AGBL1: variants seen among roughly 807,000 people sequenced by gnomAD.
AGBL1 encodes cytosolic carboxypeptidase 4.
A neutral mutation model predicts 118.9 loss-of-function variants in AGBL1; 130 were observed. The observed-to-expected ratio is 1.09, with a 90% CI of 0.95 to 1.26. The LOEUF (loss-of-function observed/expected upper bound fraction) is 1.26. Ranked by LOEUF, AGBL1 falls within the 50% of genes most tolerant of loss-of-function variation. The pLI is 0.00. For missense variants in AGBL1, 1,584 were observed against 1,298.1 expected (o/e 1.22, Z -3.38); for synonymous variants, 555 against 478.9 (o/e 1.16, Z -2.08).
chr15:86,572,621 C>A (rs531045706), intron 21 of AGBL1, among the ~76,000 whole-genome samples: 1 of 152,168 alleles, frequency 6.6e-6, no homozygotes, highest in Non-Finnish European at 1.5e-5. Flanking sequence ...AGGCTCTGGG[C>A]CTAGGAGTGG....
At chr15:86,864,135 C>T (rs2079594838) in intron 22 of AGBL1, among the ~76,000 whole-genome samples, 1 of 152,184 alleles carries the variant, frequency 6.6e-6, no homozygotes, top group African/African-American at 2.4e-5. Flanking sequence ...CTGCCAGAGG[C>T]TCTTTCTCTT....
chr15:86,175,577 G>A (rs968020622), intron 5 of AGBL1, among the ~76,000 whole-genome samples: 2 of 151,690 alleles, frequency 1.3e-5, no homozygotes, highest in African/African-American at 4.8e-5. Flanking sequence ...CTAGTTCCTT[G>A]AGGTGCATCA....
intron 22 of AGBL1, among the ~76,000 whole-genome samples, chr15:86,722,840 G>A (rs1041924636): frequency 1.8e-4 from 27 of 152,042 alleles, no homozygotes; most frequent in Non-Finnish European, 1.0e-4. Context: ...ACAAGTGGGT[G>A]AAGGATATGA....
chr15:86,817,305 A>C (rs568753791), intron 22 of AGBL1, among the ~76,000 whole-genome samples: 1 of 151,598 alleles, frequency 6.6e-6, no homozygotes, highest in Admixed American at 6.6e-5. Context: ...AAAAAAAAAA[A>C]AAAAACCACC....
At chr15:86,163,522 G>A (rs1267319074) in intron 5 of AGBL1, among the ~76,000 whole-genome samples, 1 of 152,160 alleles carries the variant, frequency 6.6e-6, no homozygotes, top group African/African-American at 2.4e-5. Context: ...AAGATCAGGA[G>A]TTTGAGACCA....
chr15:86,267,600 C>G (rs1294047502), intron 13 of AGBL1, among the ~76,000 whole-genome samples: 1 of 152,136 alleles, frequency 6.6e-6, no homozygotes, highest in African/African-American at 2.4e-5. Flanking sequence ...CCATGCCTCT[C>G]TAGCAGAACC....
chr15:86,148,730 C>T (rs971333400), intron 3 of AGBL1, among the ~76,000 whole-genome samples: 6 of 152,138 alleles, frequency 3.9e-5, no homozygotes, highest in Non-Finnish European at 8.8e-5. Flanking sequence ...AGAACTTCCC[C>T]AACCTAGCAA....
chr15:86,184,738 C>G (rs1366684004), intron 5 of AGBL1, among the ~76,000 whole-genome samples: 1 of 152,110 alleles, frequency 6.6e-6, no homozygotes, highest in Non-Finnish European at 1.5e-5. Flanking sequence ...TCAATGCCAT[C>G]CTCATCAAGC....
Position 86,904,513 on chromosome 15 carries a change from ATT to A in AGBL1, c.3159-2571_3159-2570del, listed in dbSNP as rs201521877. On this transcript the variant is annotated intron_variant, in intron 22 of 22. Coordinates refer to ENST00000614907, the MANE Select transcript of AGBL1 (RefSeq NM_001386094.1). ...AATAAGTGAGAGATAAAATTAAATG[ATT>A]TTGAGACTCCTAAATTTATATATAT... is the stretch of plus-strand genomic sequence containing the variant. 9.7e-3 allele frequency among the ~76,000 whole-genome samples: 1,455 copies of A among 150,102 alleles called. 22 individuals carry two copies. Among genetic ancestry groups the A allele is most frequent in the African/African-American group, 0.033 (1,363 of 41,188 alleles).
At chr15:86,530,732 A>G (rs2083338102) in intron 19 of AGBL1, among the ~76,000 whole-genome samples, 1 of 149,190 alleles carries the variant, frequency 6.7e-6, no homozygotes, top group Non-Finnish European at 1.5e-5. Context: ...CAGCAAATGT[A>G]AAAGAAGACA....
intron 3 of AGBL1, among the ~76,000 whole-genome samples, chr15:86,145,029 G>A (rs868053589): frequency 1.3e-5 from 2 of 152,066 alleles, no homozygotes; most frequent in Non-Finnish European, 2.9e-5. Flanking sequence ...GAAATCCTTG[G>A]TGTTTCTTGG....
intron 22 of AGBL1, among the ~76,000 whole-genome samples, chr15:86,866,943 T>C (rs1311626342): frequency 6.6e-6 from 1 of 152,190 alleles, no homozygotes; most frequent in Admixed American, 6.5e-5. Context: ...AAGAATGGAT[T>C]GAAGTTAGGC....
rs1409020316 is a variant in AGBL1, at chr15:86,144,296, A to T, written c.262+451A>T. ...GACCTAAAGACAGAAATACCATTCG[A>T]TCCAGCAATCCCGTTACTGGGTATA... On this transcript the variant is annotated intron_variant, in intron 3 of 22. Coordinates refer to ENST00000614907, the MANE Select transcript of AGBL1 (RefSeq NM_001386094.1). Among the ~76,000 whole-genome samples, 3 of 152,334 alleles carry T rather than the reference A, an allele frequency of 2.0e-5. No homozygotes were observed. In the East Asian group the frequency reaches 5.8e-4, roughly 29 times the overall value.
At chr15:86,729,195 C>G (rs909854642) in intron 22 of AGBL1, among the ~76,000 whole-genome samples, 1 of 152,074 alleles carries the variant, frequency 6.6e-6, no homozygotes, top group Admixed American at 6.5e-5. Flanking sequence ...TAGTGATTTT[C>G]AAACAAGCCA....
At chr15:86,965,538 G>A (rs1288691029) in intron 23 of AGBL1, among the ~76,000 whole-genome samples, 1 of 151,794 alleles carries the variant, frequency 6.6e-6, no homozygotes, top group African/African-American at 2.4e-5. Context: ...TTAGCCCTTT[G>A]TCAGATGGAT....
intron 23 of AGBL1, among the ~76,000 whole-genome samples, chr15:86,974,664 A>G (rs2081154633): frequency 6.7e-6 from 1 of 148,688 alleles, no homozygotes. Flanking sequence ...GAGAAGAAAG[A>G]TCAAAAGGAA....
At chr15:86,283,258 C>T (rs1406898141) in intron 16 of AGBL1, among the ~76,000 whole-genome samples, 19 of 151,782 alleles carry the variant, frequency 1.3e-4, no homozygotes, top group Admixed American at 1.2e-3. Context: ...AAAATGGGGC[C>T]CCAAGAGAGT....
At chr15:86,197,828 C>T (rs1389055621) in intron 5 of AGBL1, among the ~76,000 whole-genome samples, 1 of 151,920 alleles carries the variant, frequency 6.6e-6, no homozygotes, top group Non-Finnish European at 1.5e-5. Flanking sequence ...TGAAGAAAGA[C>T]TGTCAGATTC....
chr15:86,423,725 A>G (rs1226978157), intron 18 of AGBL1, among the ~76,000 whole-genome samples: 1 of 152,214 alleles, frequency 6.6e-6, no homozygotes, highest in Non-Finnish European at 1.5e-5. Flanking sequence ...AATCACAAAC[A>G]TTCCTATACA....
Sources: gnomAD v4.1 joint callset for allele counts (sites outside exome capture counted in the v4.1 genomes callset) on GRCh38, gnomAD v4.1.1 for gene constraint, MANE v1.5 for transcripts, NCBI Gene and HGNC (gene_info 2026-07-23, HGNC 2026-07-21) for gene names.